ZNF804A: variants seen among roughly 807,000 people sequenced by gnomAD.
ZNF804A encodes the protein zinc finger protein 804A.
ZNF804A carries 2 observed loss-of-function variants against 16.5 expected under a neutral mutation model. That is an observed-to-expected ratio of 0.12 (90% CI 0.05 to 0.38). The LOEUF is 0.38. Among genes scored for constraint, ZNF804A ranks in the 10% least tolerant of loss-of-function variants. The pLI is 0.99. For synonymous variants in ZNF804A, 534 were observed against 489.6 expected (o/e 1.09, Z -1.20); for missense variants, 1,473 against 1,390.7 (o/e 1.06, Z -0.94).
chr2:184,677,134 T>C (rs1171830790), intron 1 of ZNF804A, among the ~76,000 whole-genome samples: 7 of 151,924 alleles, frequency 4.6e-5, no homozygotes, highest in African/African-American at 1.7e-4. Flanking sequence ...CTACAAATAA[T>C]AGAAACACGG....
intron 1 of ZNF804A, among the ~76,000 whole-genome samples, chr2:184,649,327 T>A (rs1028042250): frequency 2.6e-5 from 4 of 151,926 alleles, no homozygotes; most frequent in African/African-American, 9.7e-5. Context: ...CCTCAAAAAG[T>A]GAGAAAGACT....
chr2:184,659,336 G>T (rs1692129676), intron 1 of ZNF804A, among the ~76,000 whole-genome samples: 1 of 152,058 alleles, frequency 6.6e-6, no homozygotes, highest in African/African-American at 2.4e-5. Context: ...TAATTTCCCA[G>T]TCCTCCTCTC....
Position 184,806,076 on chromosome 2 carries a change from C to A in ZNF804A, c.112-60293C>A, listed in dbSNP as rs565358280. On this transcript the variant is annotated intron_variant, in intron 1 of 3. Coordinates refer to ENST00000302277, the MANE Select transcript of ZNF804A (RefSeq NM_194250.2). ...AAGTTAAAAAAAATCCACTTTGTTT[C>A]CCCGGGATATTTATAGTCAGAAAAA... 1.1e-4 allele frequency among the ~76,000 whole-genome samples: 16 copies of A among 151,858 alleles called. No individual in the cohort carries two copies. The South Asian group carries it at 3.1e-3, about 30-fold the overall frequency.
chr2:184,920,071 C>T (rs926141504), intron 2 of ZNF804A, among the ~76,000 whole-genome samples: 2 of 152,070 alleles, frequency 1.3e-5, no homozygotes, highest in African/African-American at 4.8e-5. Flanking sequence ...GCCTAGATTG[C>T]ACCACTGCAC....
chr2:184,936,078 T>C lies in ZNF804A; in HGVS notation c.682T>C (p.Ser228Pro), dbSNP rs1685780317. ...AAAGAAAGCGTCCGTGAAGCTAGAG[T>C]CCTCAGCTGCAGCCTTCTCTGAATA... The part of the protein sequence containing the change: ...FPKKASVKLE[S>P]SAAAFSEYSD... The change falls in exon 4 of 4, where the codon TCC becomes CCC. Residue 228 changes from serine (S) to proline (P), a missense_variant. Transcript: ENST00000302277. 2 of 1,613,848 alleles carry C rather than the reference T, an allele frequency of 1.2e-6. No homozygotes were observed.
chr2:184,620,208 G>A (rs1691395317), intron 1 of ZNF804A, among the ~76,000 whole-genome samples: 1 of 151,736 alleles, frequency 6.6e-6, no homozygotes, highest in African/African-American at 2.4e-5. Context: ...TCTCTGATCT[G>A]TTTTGTTTGC....
chr2:184,824,860 G>T (rs957511083), intron 1 of ZNF804A, among the ~76,000 whole-genome samples: 3 of 148,714 alleles, frequency 2.0e-5, no homozygotes, highest in Non-Finnish European at 4.4e-5. Context: ...ACACCTGTAA[G>T]AGGCTTTTTT....
At chr2:184,902,059 A>C (rs917752874) in intron 2 of ZNF804A, 4 of 152,132 alleles carry the variant, frequency 2.6e-5, no homozygotes, top group African/African-American at 9.7e-5. Flanking sequence ...GTGTTGGAAA[A>C]TATTTTTTAT....
intron 1 of ZNF804A, among the ~76,000 whole-genome samples, chr2:184,612,618 A>G (rs1434254575): frequency 1.3e-5 from 2 of 152,052 alleles, no homozygotes; most frequent in Non-Finnish European, 2.9e-5. Context: ...TATTTTTAGT[A>G]GAGACAGGGT....
intron 1 of ZNF804A, among the ~76,000 whole-genome samples, chr2:184,671,240 T>C (rs986791634): frequency 4.6e-5 from 7 of 152,206 alleles, no homozygotes; most frequent in African/African-American, 1.7e-4. Context: ...TGTTTGCCTC[T>C]CTCTATCCAC....
chr2:184,715,205 G>A (rs1053334057), intron 1 of ZNF804A, among the ~76,000 whole-genome samples: 2 of 152,140 alleles, frequency 1.3e-5, no homozygotes, highest in Non-Finnish European at 2.9e-5. Flanking sequence ...TAGAATGAGT[G>A]TAATTTGGAC....
chr2:184,662,197 T>C (rs1407209372), intron 1 of ZNF804A, among the ~76,000 whole-genome samples: 6 of 152,242 alleles, frequency 3.9e-5, no homozygotes, highest in African/African-American at 1.2e-4. Context: ...TTATACATAC[T>C]GAAATAGCAA....
chr2:184,670,224 A>G (rs1692321050), intron 1 of ZNF804A, among the ~76,000 whole-genome samples: 1 of 151,930 alleles, frequency 6.6e-6, no homozygotes, highest in Non-Finnish European at 1.5e-5. Flanking sequence ...TCTGAATGTT[A>G]TGTACTATCA....
intron 1 of ZNF804A, among the ~76,000 whole-genome samples, chr2:184,740,165 A>G (rs79761896): frequency 0.038 from 5,769 of 152,252 alleles, 187 homozygotes; most frequent in East Asian, 0.056. Flanking sequence ...AGTCAACTCC[A>G]TAAGTGGAAT....
chr2:184,928,248 G>A (rs1300105957), intron 2 of ZNF804A, among the ~76,000 whole-genome samples: 1 of 152,122 alleles, frequency 6.6e-6, no homozygotes, highest in Non-Finnish European at 1.5e-5. Flanking sequence ...TTTCCTTCTA[G>A]CCCAGCGTGT....
intron 1 of ZNF804A, among the ~76,000 whole-genome samples, chr2:184,693,350 C>A (rs559923839): frequency 1.3e-5 from 2 of 152,136 alleles, no homozygotes; most frequent in Admixed American, 6.5e-5. Flanking sequence ...AAATTAATGT[C>A]CACAATGGCT....
intron 1 of ZNF804A, among the ~76,000 whole-genome samples, chr2:184,617,627 T>C (rs1691348632): frequency 6.6e-6 from 1 of 151,628 alleles, no homozygotes; most frequent in Non-Finnish European, 1.5e-5. Context: ...TATGGAACTT[T>C]CATCACTGTT....
chr2:184,629,400 A>G (rs1239940197), intron 1 of ZNF804A, among the ~76,000 whole-genome samples: 2 of 152,170 alleles, frequency 1.3e-5, no homozygotes, highest in African/African-American at 4.8e-5. Context: ...GTTCAGGCAC[A>G]TTGATAAAAT....
At chr2:184,873,322 T>C (rs1696003083) in intron 2 of ZNF804A, among the ~76,000 whole-genome samples, 1 of 152,130 alleles carries the variant, frequency 6.6e-6, no homozygotes, top group Non-Finnish European at 1.5e-5. Flanking sequence ...ACTTTGTCTC[T>C]ATAGAAAATA....
Sources: allele counts gnomAD v4.1 joint callset (sites outside exome capture counted in the v4.1 genomes callset), GRCh38; gene constraint gnomAD v4.1.1; transcripts MANE v1.5; gene names NCBI Gene and HGNC (gene_info 2026-07-23, HGNC 2026-07-21).